Variants in ABCF3 observed in about 807,000 individuals in gnomAD.
ABCF3 encodes ATP binding cassette subfamily F member 3.
Under a neutral mutation model 94.3 loss-of-function variants are expected in ABCF3, and 62 were observed. The ratio of observed to expected loss-of-function variants is 0.66; its 90% CI spans 0.54 to 0.81. The LOEUF is 0.81. ABCF3 is among the 40% of genes least tolerant of loss of function. ABCF3 has a pLI of 0.00. For missense variants in ABCF3, 843 were observed against 925.3 expected, an observed-to-expected ratio of 0.91 and a Z score of 1.15; for synonymous variants, 355 against 361.1, an observed-to-expected ratio of 0.98 and a Z score of 0.19.
chr3:184,190,241 G>A, intron 14 of ABCF3: 1 of 446,704 alleles, frequency 2.2e-6, no homozygotes, highest in South Asian at 2.5e-5. Flanking sequence ...CATGTGTGAG[G>A]CTCATCCATA....
At chr3:184,189,826 G>T in intron 13 of ABCF3, 29 bp from the exon 14 acceptor site, 1 of 1,614,084 alleles carries the variant, frequency 6.2e-7, no homozygotes, top group South Asian at 1.1e-5. Context: ...GGGGGAATTT[G>T]ACCAATGCCT....
rs141491826 is a variant in ABCF3 at position 184,186,207 on chromosome 3, C to T, written c.-1C>T. 2.8e-5 allele frequency: 46 copies of T among 1,614,044 alleles called. No individual in the cohort carries two copies. In the African/African-American group the frequency reaches 4.3e-4, roughly 15 times the overall value. ...TGCGCGGACGGGTTCCTGAGTGGAA[C>T]ATGGCGACTTGCGCCGAAATCCTGC... On this transcript the variant is annotated 5_prime_UTR_variant, in exon 1 of 21. Transcript: ENST00000429586.
In ABCF3 at chr3:184,193,526, C is replaced by T. The variant is rs746366964; in HGVS notation, c.1972-14C>T. ...TGTGTCCCCCTGAGCACCTCCTGCC[C>T]TCCTGTCTTTCAGGGTGGTGTGATT... On this transcript the variant is annotated splice_polypyrimidine_tract_variant and intron_variant, in intron 20 of 20. Transcript: ENST00000429586. The surrounding 1 kb of genome is among the most constrained non-coding windows in gnomAD (Gnocchi z 5.2). 2 of 1,614,150 alleles carry T rather than the reference C, an allele frequency of 1.2e-6. No individual in the cohort carries two copies. Among genetic ancestry groups the T allele is most frequent in the Non-Finnish European group, 1.7e-6 (2 of 1,179,986 alleles).
intron 1 of ABCF3, 76 bp from the exon 2 acceptor site, chr3:184,186,431 C>T (rs1715621807): frequency 5.1e-6 from 8 of 1,579,782 alleles, no homozygotes; most frequent in Non-Finnish European, 6.9e-6. Flanking sequence ...TGGACTGGGG[C>T]CTCTGTCTGG....
Position 184,193,593 on chromosome 3 carries a change from G to A in ABCF3, c.2025G>A (p.Arg675=). 2 of 1,614,174 alleles carry A rather than the reference G, an allele frequency of 1.2e-6. No individual in the cohort carries two copies. Among genetic ancestry groups the A allele is most frequent in the Non-Finnish European group, 1.7e-6 (2 of 1,180,020 alleles). ...AGCGCTTTATCAGGCTGGTGTGCCG[G>A]GAGTTGTGGGTATGCGAAGGAGGCG... ...HDERFIRLVC[R]ELWVCEGGGV... Residue 675 remains arginine (R), a synonymous_variant, in exon 21 of 21, where the codon CGG becomes CGA. Transcript: ENST00000429586. This position sits in a 1 kb window ranked among gnomAD's most constrained non-coding sequence, Gnocchi z 5.2.
chr3:184,193,956 C>T lies in ABCF3; in HGVS notation c.*258C>T, dbSNP rs896811970. ...TATAGATTCCCCCACTGCCCCAGCTCTGACTGGACCCCAAGTGGCTGCTAT... is the reference window on the plus strand; with the variant it reads ...TATAGATTCCCCCACTGCCCCAGCTTTGACTGGACCCCAAGTGGCTGCTAT... On this transcript the variant is annotated 3_prime_UTR_variant, in exon 21 of 21. Transcript: ENST00000429586. This position sits in a 1 kb window ranked among gnomAD's most constrained non-coding sequence, Gnocchi z 5.2. The T allele has an allele frequency of 3.1e-5, 14 of 456,498 alleles. No individual in the cohort carries two copies. The Admixed American group carries it at 3.9e-4, about 13-fold the overall frequency. 28.3% of individuals were successfully genotyped at this position (456,498 alleles called of 1,614,324 possible). A position where few individuals can be genotyped will look rare whatever the true frequency, so the allele number is the denominator to read the frequency against.
At chr3:184,191,093 C>A (rs1207819527) in intron 15 of ABCF3, 30 bp from the exon 16 acceptor site, 1 of 1,614,098 alleles carries the variant, frequency 6.2e-7, no homozygotes, top group Non-Finnish European at 8.5e-7. Flanking sequence ...CTTCCAGCTG[C>A]CCCCACATCC....
In ABCF3 at chr3:184,189,751, C is replaced by T; in HGVS notation, c.1308C>T (p.His436=). ...EYEAQQQYRQ[H]IQVFIDRFRY... is the part of the protein sequence containing the mutation. ...AGGCGCAGCAGCAGTATCGCCAGCA[C>T]ATCCAGGTGTGGGGCCTGGCAGGGC... Residue 436 remains histidine, a synonymous_variant, in exon 13 of 21, where the codon CAC becomes CAT. Transcript: ENST00000429586. 2 of 1,613,984 alleles carry T rather than the reference C, an allele frequency of 1.2e-6. No homozygotes were observed. The highest frequency in any genetic ancestry group is 1.7e-6 in the Non-Finnish European group (2 of 1,180,010).
Position 184,192,909 on chromosome 3 carries a change from T to G in ABCF3, c.1750+13T>G, listed in dbSNP as rs779681544. 2 of 1,613,184 alleles carry G rather than the reference T, an allele frequency of 1.2e-6. No homozygotes were observed. The highest frequency in any genetic ancestry group is 1.7e-6 in the Non-Finnish European group (2 of 1,179,750). On this transcript the variant is annotated intron_variant, in intron 18 of 20. Coordinates refer to ENST00000429586, the MANE Select transcript of ABCF3 (RefSeq NM_018358.3). ...CGCAAGTTTCCTGGTGAGTTAGGGA[T>G]TTGAGTCGGGGGAAGAGTTTGAGTA...
rs375009324 is a variant in ABCF3 at position 184,191,749 on chromosome 3, C to CTTTTTTTTTTTTTTTTTTTTTTTT, written c.1569+508_1569+509insTTTTTTTTTTTTTTTTTTTTTTTT. 1.1e-3 allele frequency among the ~76,000 whole-genome samples: 121 copies of CTTTTTTTTTTTTTTTTTTTTTTTT among 114,700 alleles called. 24 individuals are homozygous for CTTTTTTTTTTTTTTTTTTTTTTTT. Among genetic ancestry groups the CTTTTTTTTTTTTTTTTTTTTTTTT allele is most frequent in the African/African-American group, 3.8e-3 (105 of 27,300 alleles). 75.2% of individuals were successfully genotyped at this position (114,700 alleles called of 152,430 possible). ...GCATTTTTCTGTAGAGTTAGAGTTCCTTTTTTTTTTTTTTCGGAGACAGAG... is the reference window on the plus strand; with the variant it reads ...GCATTTTTCTGTAGAGTTAGAGTTCCTTTTTTTTTTTTTTTTTTTTTTTTTTTTTTTTTTTTTTCGGAGACAGAG... On this transcript the variant is annotated intron_variant, in intron 16 of 20. Coordinates refer to ENST00000429586, the MANE Select transcript of ABCF3 (RefSeq NM_018358.3).
At chr3:184,188,516 T>C in intron 7 of ABCF3, 109 bp downstream of exon 7, 2 of 1,435,640 alleles carry the variant, frequency 1.4e-6, no homozygotes, top group South Asian at 1.3e-5. Context: ...TCAGCAGAGC[T>C]TAGAACTTGG....
rs998721450 is a variant in ABCF3 at position 184,191,059 on chromosome 3, G to C, written c.1436+16G>C. 4 of 1,614,126 alleles carry C rather than the reference G, an allele frequency of 2.5e-6. No individual in the cohort carries two copies. Among genetic ancestry groups the C allele is most frequent in the Non-Finnish European group, 3.4e-6 (4 of 1,180,054 alleles). ...TCGTAATGAAGTAAGTGCTGGGCCA[G>C]TGGGGCTGGTGGGGAATTGCTTGCT... is the stretch of plus-strand genomic sequence containing the variant. On this transcript the variant is annotated intron_variant, in intron 15 of 20. Coordinates refer to ENST00000429586, the MANE Select transcript of ABCF3 (RefSeq NM_018358.3).
intron 18 of ABCF3, 46 bp downstream of exon 18, chr3:184,192,942 G>GGGCTGA (rs1177449531): frequency 6.2e-7 from 1 of 1,605,446 alleles, no homozygotes; most frequent in African/African-American, 1.3e-5. Flanking sequence ...GTAGGGAAGA[G>GGGCTGA]GGCTGAGGCT....
rs571676158 is a variant in ABCF3 at position 184,190,034 on chromosome 3, A to G, written c.1391+103A>G. 52 of 1,241,832 alleles carry G rather than the reference A, an allele frequency of 4.2e-5. 1 individual carries two copies. The highest frequency in any genetic ancestry group is 5.9e-5 in the Non-Finnish European group (51 of 864,308). The allele number at this position is 1,241,832 out of a possible 1,614,324, so 76.9% of individuals were successfully genotyped here. On this transcript the variant is annotated intron_variant, in intron 14 of 20. Coordinates refer to ENST00000429586, the MANE Select transcript of ABCF3 (RefSeq NM_018358.3). ...TACCATTCTAGGTCTCCCCTTCGCT[A>G]GAAGCCAACTGTGACTTCCTCCTCT...
rs1715671956 is a variant in ABCF3 at position 184,187,024 on chromosome 3, C to T, written c.301+149C>T. On this transcript the variant is annotated intron_variant, in intron 3 of 20. Coordinates refer to ENST00000429586, the MANE Select transcript of ABCF3 (RefSeq NM_018358.3). ...ATGTCTTTACCGAGGGCAGAAGAGC[C>T]CATGATGGGGGTGGGGAGGAGGTTG... The T allele has an allele frequency of 3.0e-5, 25 of 821,616 alleles. No homozygotes were observed. The South Asian group carries it at 4.6e-4, about 15-fold the overall frequency. The allele number at this position is 821,616 out of a possible 1,614,324, so 50.9% of individuals were successfully genotyped here. A position where few individuals can be genotyped will look rare whatever the true frequency, so the allele number is the denominator to read the frequency against.
chr3:184,186,214 A>G lies in ABCF3; in HGVS notation c.7A>G (p.Thr3Ala). The G allele has an allele frequency of 1.9e-6, 3 of 1,614,174 alleles. No individual in the cohort carries two copies. The highest frequency in any genetic ancestry group is 2.2e-5 in the South Asian group (2 of 91,092). Residue 3 changes from threonine to alanine, a missense_variant, in exon 1 of 21, where the codon ACT (threonine) becomes GCT (alanine). Physicochemically the swap from Thr to Ala is moderately conservative, Grantham distance 58. Transcript: ENST00000429586. MATCAEILRSEFP... is the reference protein window; with the variant it reads MAACAEILRSEFP... ...ACGGGTTCCTGAGTGGAACATGGCGACTTGCGCCGAAATCCTGCGGAGCGA... is the reference window on the plus strand; with the variant it reads ...ACGGGTTCCTGAGTGGAACATGGCGGCTTGCGCCGAAATCCTGCGGAGCGA...
intron 13 of ABCF3, 24 bp downstream of exon 13, chr3:184,189,781 G>A: frequency 1.2e-6 from 2 of 1,613,936 alleles, no homozygotes; most frequent in Non-Finnish European, 8.5e-7. Flanking sequence ...CAGGGCTGGG[G>A]GTCCCATCCC....
At chr3:184,188,054 G>C in intron 6 of ABCF3, 71 bp downstream of exon 6, 1 of 1,612,512 alleles carries the variant, frequency 6.2e-7, no homozygotes, top group South Asian at 1.1e-5. Context: ...AGGTGAAACG[G>C]GGCTATAAAC....
At position 184,193,122 on chromosome 3, in the gene ABCF3, C is replaced by T. The variant is rs200451515; in HGVS notation, c.1771C>T (p.Arg591Cys). ...TCCAGGGCGGCCTGAGGAGGAGTACCGTCACCAGCTGGGTCGGTATGGCAT... is the reference window on the plus strand; with the variant it reads ...TCCAGGGCGGCCTGAGGAGGAGTACTGTCACCAGCTGGGTCGGTATGGCAT... ...KFPGRPEEEY[R>C]HQLGRYGISG... The change falls in exon 19 of 21, where the codon CGT becomes TGT. Residue 591 changes from arginine to cysteine, a missense_variant. By Grantham distance (180) the Arg-to-Cys change is radical. Coordinates refer to ENST00000429586, the MANE Select transcript of ABCF3 (RefSeq NM_018358.3). This position sits in a 1 kb window ranked among gnomAD's most constrained non-coding sequence, Gnocchi z 5.2. 66 of 1,545,490 alleles carry T rather than the reference C, an allele frequency of 4.3e-5. No homozygotes were observed. The Admixed American group carries it at 4.6e-4, about 11-fold the overall frequency.
Sources: gnomAD v4.1 joint callset for allele counts (sites outside exome capture counted in the v4.1 genomes callset) on GRCh38, gnomAD v4.1.1 for gene constraint, Gnocchi (gnomAD v3.1) non-coding constraint, MANE v1.5 for transcripts, NCBI Gene and HGNC (gene_info 2026-07-23, HGNC 2026-07-21) for gene names.